Variants in PRKAR1B observed in about 807,000 individuals in gnomAD.
The protein encoded by PRKAR1B is protein kinase cAMP-dependent type I regulatory subunit beta, also known as cAMP-dependent protein kinase type I-beta regulatory subunit.
A neutral mutation model predicts 46.5 loss-of-function variants in PRKAR1B; 22 were observed. The ratio of observed to expected loss-of-function variants is 0.47; its 90% confidence interval spans 0.34 to 0.68. The LOEUF is 0.68. Ranked by LOEUF, PRKAR1B falls within the 30% of genes least tolerant of loss-of-function variation. The pLI is 0.01. For synonymous variants in PRKAR1B, 259 were observed against 217.7 expected (o/e 1.19, Z -1.67); for missense variants, 445 against 535.6 (o/e 0.83, Z 1.67).
chr7:563,315 A>G (rs1778922836), intron 9 of PRKAR1B, among the ~76,000 whole-genome samples: 1 of 152,172 alleles, frequency 6.6e-6, no homozygotes, highest in South Asian at 2.1e-4. Context: ...TTTCTTTTCC[A>G]ATGAGCCTAA....
chr7:652,076 AACAC>A, intron 4 of PRKAR1B, among the ~76,000 whole-genome samples: 1 of 121,504 alleles, frequency 8.2e-6, no homozygotes, highest in Non-Finnish European at 1.7e-5. Flanking sequence ...CCCCTCTCGG[AACAC>A]AGTTCACACC....
chr7:718,291 CACACAT>C (rs1165107534), intron 1 of PRKAR1B, among the ~76,000 whole-genome samples: 355 of 114,356 alleles, frequency 3.1e-3, no homozygotes, highest in African/African-American at 5.4e-3. Context: ...CACACACACA[CACACAT>C]ACACATATAT....
intron 2 of PRKAR1B, among the ~76,000 whole-genome samples, chr7:706,484 C>T (rs966563819): frequency 3.8e-5 from 5 of 130,726 alleles, no homozygotes; most frequent in East Asian, 2.3e-4. Flanking sequence ...AGTGCAGTGG[C>T]GCGATCTGGG....
rs142129552 is a variant in PRKAR1B, at chr7:624,010, G to A, written c.441-16558C>T. Among the ~76,000 whole-genome samples, 795 of 152,278 alleles carry A rather than the reference G, an allele frequency of 5.2e-3. 4 individuals carry two copies. Among genetic ancestry groups the A allele is most frequent in the South Asian group, 0.026 (125 of 4,818 alleles). ...GCTAGTCCATGCCACTGGCCATGGCGTCCAGCCCTGGATGTTCACAGTATC... is the reference window on the plus strand; with the variant it reads ...GCTAGTCCATGCCACTGGCCATGGCATCCAGCCCTGGATGTTCACAGTATC... On this transcript the variant is annotated intron_variant, in intron 4 of 10. Transcript: ENST00000537384.
rs1784079931 is a variant in PRKAR1B, at chr7:550,036, A to C, written c.*394T>G. The C allele has an allele frequency of 1.0e-5, 2 of 199,770 alleles. No homozygotes were observed. Among genetic ancestry groups the C allele is most frequent in the Non-Finnish European group, 2.0e-5 (2 of 97,774 alleles). 12.4% of individuals were successfully genotyped at this position (199,770 alleles called of 1,614,324 possible). A position where few individuals can be genotyped will look rare whatever the true frequency, so the allele number is the denominator to read the frequency against. On this transcript the variant is annotated 3_prime_UTR_variant, in exon 11 of 11. Coordinates refer to ENST00000537384, the MANE Select transcript of PRKAR1B (RefSeq NM_001164760.2). The stretch of plus-strand genomic sequence containing the variant: ...CCACACTCAGACCTCAATCTGGGGG[A>C]CCTGACCTCACAGGGTCACCAGGCC...
intron 2 of PRKAR1B, among the ~76,000 whole-genome samples, chr7:691,262 C>G (rs1583425399): frequency 6.6e-6 from 1 of 152,268 alleles, no homozygotes; most frequent in East Asian, 1.9e-4. Flanking sequence ...CCCGCGCCCA[C>G]CCAAACTCGC....
chr7:558,925 C>G (rs1190437806), intron 9 of PRKAR1B, among the ~76,000 whole-genome samples: 3 of 152,152 alleles, frequency 2.0e-5, no homozygotes, highest in Non-Finnish European at 4.4e-5. Flanking sequence ...GACGGGGAGA[C>G]AGGGTCCCTC....
intron 4 of PRKAR1B, among the ~76,000 whole-genome samples, chr7:611,991 A>G (rs1015488878): frequency 3.2e-5 from 2 of 63,106 alleles, no homozygotes; most frequent in African/African-American, 1.3e-4. Flanking sequence ...GGATGGATGG[A>G]TGGACAGATG....
chr7:626,196 AAG>A (rs1410574653), intron 4 of PRKAR1B, among the ~76,000 whole-genome samples: 1 of 152,084 alleles, frequency 6.6e-6, no homozygotes, highest in Non-Finnish European at 1.5e-5. Flanking sequence ...TCAAAACAAA[AAG>A]CGTCAAGCCC....
chr7:576,907 C>T (rs1779866228), intron 9 of PRKAR1B, among the ~76,000 whole-genome samples: 1 of 152,196 alleles, frequency 6.6e-6, no homozygotes, highest in Admixed American at 6.5e-5. Context: ...CAGGCTCTTA[C>T]TCCAGCCTCC....
intron 4 of PRKAR1B, among the ~76,000 whole-genome samples, chr7:651,242 G>A (rs1784887941): frequency 6.6e-6 from 1 of 152,232 alleles, no homozygotes; most frequent in South Asian, 2.1e-4. Flanking sequence ...CATGAGGGGT[G>A]ATTGCAAGGG....
chr7:624,847 C>T (rs574051907), intron 4 of PRKAR1B, among the ~76,000 whole-genome samples: 2 of 152,218 alleles, frequency 1.3e-5, no homozygotes, highest in East Asian at 3.9e-4. Context: ...AAAAATTATA[C>T]ACAGGAAATA....
intron 4 of PRKAR1B, among the ~76,000 whole-genome samples, chr7:668,228 C>T (rs768775443): frequency 7.2e-5 from 11 of 152,234 alleles, no homozygotes; most frequent in East Asian, 1.9e-4. Context: ...GTGTGCCAGA[C>T]GCCCTGTAAA....
rs113267257 is a variant in PRKAR1B at position 706,818 on chromosome 7, C to T, written c.177+4511G>A. 1.7e-3 allele frequency among the ~76,000 whole-genome samples: 256 copies of T among 152,254 alleles called. 1 individual carries two copies. The highest frequency in any genetic ancestry group is 5.8e-3 in the African/African-American group (243 of 41,558). ...CAGAGGCCCAGCCCGGACGGCACTC[C>T]AAGAGCTGGGCCATCCCTGCTGGCC... On this transcript the variant is annotated intron_variant, in intron 2 of 10. Transcript: ENST00000537384.
chr7:568,190 C>G (rs548415385), intron 9 of PRKAR1B, among the ~76,000 whole-genome samples: 1 of 152,190 alleles, frequency 6.6e-6, no homozygotes, highest in African/African-American at 2.4e-5. Flanking sequence ...CACAGCCCCC[C>G]GTGCCGCTAA....
intron 4 of PRKAR1B, among the ~76,000 whole-genome samples, chr7:634,371 G>C (rs1313419568): frequency 1.3e-5 from 2 of 151,988 alleles, no homozygotes; most frequent in Admixed American, 6.5e-5. Flanking sequence ...TCAGCTACTC[G>C]GGAGGCTAAG....
At chr7:607,925 G>A (rs937981526) in intron 4 of PRKAR1B, 6 of 172,528 alleles carry the variant, frequency 3.5e-5, no homozygotes, top group South Asian at 2.7e-4. Context: ...ATGTGCATTC[G>A]GAACCTCTCT....
chr7:552,705 G>T (rs879915629), intron 9 of PRKAR1B, among the ~76,000 whole-genome samples: 7 of 152,202 alleles, frequency 4.6e-5, no homozygotes, highest in Non-Finnish European at 8.8e-5. Context: ...CGAGGCGAGC[G>T]GAGGAGCCGG....
chr7:603,825 G>A (rs34290915), intron 6 of PRKAR1B, among the ~76,000 whole-genome samples: 2 of 142,182 alleles, frequency 1.4e-5, no homozygotes, highest in Non-Finnish European at 1.5e-5. Flanking sequence ...TGGAGAGGGC[G>A]GGGGAGGAGG....
Sources: gnomAD v4.1 joint callset for allele counts (sites outside exome capture counted in the v4.1 genomes callset) on GRCh38, gnomAD v4.1.1 for gene constraint, MANE v1.5 for transcripts, NCBI Gene and HGNC (gene_info 2026-07-23, HGNC 2026-07-21) for gene names.